Variants in MRTFA observed in about 807,000 individuals in gnomAD.
MRTFA encodes myocardin-related transcription factor A.
MRTFA carries 20 observed loss-of-function variants against 83.5 expected under a neutral mutation model. That is an observed-to-expected ratio of 0.24 (90% confidence interval 0.17 to 0.35). The LOEUF is 0.35. MRTFA is among the 10% of genes least tolerant of loss of function. The pLI, the probability that MRTFA is intolerant of heterozygous loss-of-function variation, is 1.00. For synonymous variants in MRTFA, 659 were observed against 541.2 expected (o/e 1.22, Z -3.02); for missense variants, 1,200 against 1,224.7 (o/e 0.98, Z 0.30).
rs143740834 is a variant in MRTFA, at chr22:40,486,154, G to A, written c.242-22868C>T. 2.9e-3 allele frequency among the ~76,000 whole-genome samples: 440 copies of A among 152,266 alleles called. 1 individual carries two copies. Among genetic ancestry groups the A allele is most frequent in the Middle Eastern group, 6.8e-3 (2 of 294 alleles). ...ATCTGGTTAGTCCCAGGATCCTGGT[G>A]TACCTTCTTCATCCCCACACTTGTT... On this transcript the variant is annotated intron_variant, in intron 3 of 14. Coordinates refer to ENST00000355630, the MANE Select transcript of MRTFA (RefSeq NM_020831.6).
In MRTFA at chr22:40,533,785, C is replaced by A. The variant is rs567576305; in HGVS notation, c.241+18321G>T. The A allele has an allele frequency of 1.7e-4, 70 of 422,844 alleles. 1 individual carries two copies. Among genetic ancestry groups the A allele is most frequent in the Non-Finnish European group, 2.6e-4 (65 of 250,404 alleles). 26.2% of individuals were successfully genotyped at this position (422,844 alleles called of 1,614,324 possible). Reference sequence around the variant, plus strand: ...GAATATCCCCTTCTCAGTGCAGTTACCAATTTATCCACCCTTCAGGCGAGT... The same window carrying A: ...GAATATCCCCTTCTCAGTGCAGTTAACAATTTATCCACCCTTCAGGCGAGT... On this transcript the variant is annotated intron_variant, in intron 3 of 14. Coordinates refer to ENST00000355630, the MANE Select transcript of MRTFA (RefSeq NM_020831.6).
At chr22:40,531,585 T>A (rs567753831) in intron 3 of MRTFA, among the ~76,000 whole-genome samples, 1 of 152,284 alleles carries the variant, frequency 6.6e-6, no homozygotes, top group East Asian at 1.9e-4. Context: ...AAAACTCTCA[T>A]TAAATAGCAG....
chr22:40,418,921 C>T lies in MRTFA; in HGVS notation c.1817G>A (p.Gly606Glu). Residue 606 changes from glycine to glutamate, a missense_variant, in exon 12 of 15, where the codon GGG (glycine) becomes GAG (glutamate). By Grantham distance (98) the Gly-to-Glu change is moderately conservative. This residue lies in a region of MRTFA where 1,107 missense variants were observed against 1,041.8 expected (regional missense o/e 1.06). Transcript: ENST00000355630. Reference sequence around the variant, plus strand: ...CCCCCCAGGGCTCAGGCAACAGGACCCGGCCCGGGGGCCCTCCTCCTTCAC... The same window carrying T: ...CCCCCCAGGGCTCAGGCAACAGGACTCGGCCCGGGGGCCCTCCTCCTTCAC... 6.2e-7 allele frequency: 1 copy of T among 1,612,810 alleles called. No homozygotes were observed.
At chr22:40,585,211 T>C (rs1021833419) in intron 2 of MRTFA, among the ~76,000 whole-genome samples, 1 of 152,204 alleles carries the variant, frequency 6.6e-6, no homozygotes, top group African/African-American at 2.4e-5. Flanking sequence ...GTGTAACTTG[T>C]TCTAGATGTC....
intron 1 of MRTFA, among the ~76,000 whole-genome samples, chr22:40,616,786 A>G (rs543899332): frequency 3.9e-5 from 6 of 152,260 alleles, no homozygotes; most frequent in Admixed American, 3.9e-4. Context: ...ATGGAGATAG[A>G]AAGTGACTAA....
At chr22:40,593,870 G>C (rs1223540734) in intron 2 of MRTFA, among the ~76,000 whole-genome samples, 1 of 152,212 alleles carries the variant, frequency 6.6e-6, no homozygotes, top group Non-Finnish European at 1.5e-5. Context: ...CTCTGCAACT[G>C]AGCCAGGTCT....
chr22:40,525,443 G>A (rs1272559041), intron 3 of MRTFA, among the ~76,000 whole-genome samples: 1 of 151,968 alleles, frequency 6.6e-6, no homozygotes, highest in East Asian at 1.9e-4. Flanking sequence ...AGAGGTTACA[G>A]TGAGCCGAGA....
intron 12 of MRTFA, among the ~76,000 whole-genome samples, chr22:40,418,156 G>A (rs914507450): frequency 3.3e-5 from 5 of 152,226 alleles, no homozygotes; most frequent in Admixed American, 6.5e-5. Flanking sequence ...AACAGCCAGA[G>A]AGGTGGGGAG....
Position 40,424,337 on chromosome 22 carries a change from C to T in MRTFA, c.646G>A (p.Asp216Asn), listed in dbSNP as rs779073393. 5.6e-6 allele frequency: 9 copies of T among 1,613,644 alleles called. No individual in the cohort carries two copies. Among genetic ancestry groups the T allele is most frequent in the Non-Finnish European group, 7.6e-6 (9 of 1,179,770 alleles). Residue 216 changes from aspartate (D) to asparagine (N), a missense_variant, in exon 8 of 15, where the codon GAT (aspartate) becomes AAT (asparagine). Asp to Asn is a conservative substitution (Grantham distance 23). This residue lies in a region of MRTFA where 93 missense variants were observed against 182.9 expected (regional missense o/e 0.51). Transcript: ENST00000355630. ...GATAAGGCATCGCTGCTGTCCTCAT[C>T]GAAGGAAGAGCTGTCTGCTACTTTG...
intron 2 of MRTFA, among the ~76,000 whole-genome samples, chr22:40,560,945 C>T (rs2055604822): frequency 6.6e-6 from 1 of 152,172 alleles, no homozygotes. Flanking sequence ...TAGCACAATT[C>T]TTTATCATGA....
At chr22:40,626,691 A>G (rs2056585774) in intron 1 of MRTFA, among the ~76,000 whole-genome samples, 1 of 152,178 alleles carries the variant, frequency 6.6e-6, no homozygotes, top group Admixed American at 6.5e-5. Flanking sequence ...TATCCATCAT[A>G]TAACTAAATA....
intron 3 of MRTFA, among the ~76,000 whole-genome samples, chr22:40,473,820 G>C (rs1216863824): frequency 1.3e-5 from 2 of 152,166 alleles, no homozygotes; most frequent in Non-Finnish European, 2.9e-5. Flanking sequence ...AAATCATTTA[G>C]TGGCATCCAA....
intron 1 of MRTFA, among the ~76,000 whole-genome samples, chr22:40,632,013 C>T (rs1210337661): frequency 2.0e-5 from 3 of 152,186 alleles, no homozygotes; most frequent in African/African-American, 7.2e-5. Flanking sequence ...CAATGTGTGG[C>T]CAACAGAATA....
intron 3 of MRTFA, among the ~76,000 whole-genome samples, chr22:40,509,070 G>T (rs979376267): frequency 6.6e-6 from 1 of 152,144 alleles, no homozygotes; most frequent in Non-Finnish European, 1.5e-5. Context: ...CAATTTTCGA[G>T]GAAGTCACAA....
intron 13 of MRTFA, 79 bp from the exon 14 acceptor site, chr22:40,417,125 T>TC: frequency 1.4e-6 from 2 of 1,469,452 alleles, no homozygotes; most frequent in Non-Finnish European, 1.8e-6. Context: ...ATGAGGCCCC[T>TC]CCCTCTGCCC....
intron 3 of MRTFA, among the ~76,000 whole-genome samples, chr22:40,536,334 C>A (rs895944597): frequency 7.3e-5 from 11 of 151,448 alleles, no homozygotes; most frequent in Admixed American, 2.6e-4. Context: ...AAGCCGCCGC[C>A]GCCCGACCGC....
At chr22:40,620,189 G>A (rs945595999) in intron 1 of MRTFA, among the ~76,000 whole-genome samples, 9 of 149,668 alleles carry the variant, frequency 6.0e-5, no homozygotes, top group African/African-American at 1.5e-4. Context: ...GCAATGGTGC[G>A]ATCTCAGCTC....
In MRTFA at chr22:40,535,483, G is replaced by C. The variant is rs2055155486; in HGVS notation, c.241+16623C>G. Among the ~76,000 whole-genome samples, 3 of 149,836 alleles carry C rather than the reference G, an allele frequency of 2.0e-5. No individual in the cohort carries two copies. In the South Asian group the frequency reaches 6.3e-4, roughly 31 times the overall value. On this transcript the variant is annotated intron_variant, in intron 3 of 14. Transcript: ENST00000355630. Reference sequence around the variant, plus strand: ...TCCTCCTACCTCAGCCTCCCAAGTAGCTGGGACTACAGGCATATGCCACCA... The same window carrying C: ...TCCTCCTACCTCAGCCTCCCAAGTACCTGGGACTACAGGCATATGCCACCA...
chr22:40,463,505 G>C, intron 3 of MRTFA: 1 of 505,184 alleles, frequency 2.0e-6, no homozygotes, highest in Non-Finnish European at 3.6e-6. Flanking sequence ...GAAGGGTCTT[G>C]CAGGGCGATA....
Sources: gnomAD v4.1 joint callset for allele counts (sites outside exome capture counted in the v4.1 genomes callset) on GRCh38, gnomAD v4.1.1 for gene constraint, gnomAD v4.1.1 regional missense constraint, MANE v1.5 for transcripts, NCBI Gene and HGNC (gene_info 2026-07-23, HGNC 2026-07-21) for gene names.